ARHGAP31: variants seen among roughly 807,000 people sequenced by gnomAD.
The protein encoded by ARHGAP31 is Rho GTPase activating protein 31.
ARHGAP31 carries 34 observed loss-of-function variants against 113.9 expected under a neutral mutation model. The observed-to-expected ratio is 0.30, with a 90% CI of 0.23 to 0.40. The LOEUF (loss-of-function observed/expected upper bound fraction) is 0.40. ARHGAP31 is among the 10% of genes least tolerant of loss of function. The pLI is 1.00. For missense variants in ARHGAP31, 1,548 were observed against 1,767.1 expected (o/e 0.88, Z 2.22); for synonymous variants, 650 against 684.8 (o/e 0.95, Z 0.79).
intron 1 of ARHGAP31, among the ~76,000 whole-genome samples, chr3:119,358,960 A>G (rs1431968172): frequency 1.3e-5 from 2 of 152,016 alleles, no homozygotes; most frequent in Non-Finnish European, 2.9e-5. Flanking sequence ...TTAGTCGTAC[A>G]CTTTAAAGGG....
intron 1 of ARHGAP31, among the ~76,000 whole-genome samples, chr3:119,315,995 G>A (rs2079727182): frequency 6.6e-6 from 1 of 152,178 alleles, no homozygotes. Flanking sequence ...GCTGTATAAT[G>A]AGGACACTGA....
Position 119,414,214 on chromosome 3 carries a change from A to C in ARHGAP31, c.2285A>C (p.Lys762Thr), listed in dbSNP as rs201028277. The C allele has an allele frequency of 1.2e-4, 201 of 1,614,216 alleles. No homozygotes were observed. In the Middle Eastern group the frequency reaches 1.3e-3, roughly 11 times the overall value. Residue 762 changes from lysine to threonine, a missense_variant, in exon 12 of 12, where the codon AAG (lysine) becomes ACG (threonine). By Grantham distance (78) the Lys-to-Thr change is moderately conservative. Coordinates refer to ENST00000264245, the MANE Select transcript of ARHGAP31 (RefSeq NM_020754.4). The stretch of plus-strand genomic sequence containing the variant: ...CCTCTGGAAATAGTTCCTTTTGAGA[A>C]GGCATCTCCACAAGCAACAGTGGAA... Reference protein sequence around the residue: ...LAPLEIVPFEKASPQATVEVG... With the variant: ...LAPLEIVPFETASPQATVEVG...
intron 3 of ARHGAP31, among the ~76,000 whole-genome samples, chr3:119,372,497 G>A (rs1383320377): frequency 6.6e-6 from 1 of 152,006 alleles, no homozygotes; most frequent in Non-Finnish European, 1.5e-5. Context: ...TGGCCAGCCT[G>A]GTCTTGAACT....
At chr3:119,382,549 T>A (rs1348513028) in intron 5 of ARHGAP31, 150 bp downstream of exon 5, 1 of 743,776 alleles carries the variant, frequency 1.3e-6, no homozygotes, top group Non-Finnish European at 2.2e-6. Context: ...TTAAAGGTGA[T>A]TTAGGTGATA....
At chr3:119,392,995 C>A (rs2080518502) in intron 7 of ARHGAP31, among the ~76,000 whole-genome samples, 1 of 152,100 alleles carries the variant, frequency 6.6e-6, no homozygotes, top group Non-Finnish European at 1.5e-5. Context: ...GTCATCCCAG[C>A]ACTTGGGAGG....
intron 1 of ARHGAP31, among the ~76,000 whole-genome samples, chr3:119,333,600 C>T (rs1202858999): frequency 6.6e-6 from 1 of 152,170 alleles, no homozygotes; most frequent in African/African-American, 2.4e-5. Flanking sequence ...CACTCTGCAG[C>T]CTTTGTAATC....
At position 119,390,981 on chromosome 3, in the gene ARHGAP31, C is replaced by T; in HGVS notation, c.879C>T (p.Asn293=). Residue 293 remains asparagine (N), a splice_region_variant and synonymous_variant, in exon 7 of 12, where the codon AAC becomes AAT. Transcript: ENST00000264245. ...LFHTVLELPD[N]KRKLSSKSKK... ...ACACTGTCCTTGAGTTACCAGACAA[C>T]AAGTAAGTGGCACTCTTTTAAAAAA... 1 of 1,614,046 alleles carries T rather than the reference C, an allele frequency of 6.2e-7. No homozygotes were observed. The highest frequency in any genetic ancestry group is 8.5e-7 in the Non-Finnish European group (1 of 1,179,950).
chr3:119,391,637 C>T (rs1005578810), intron 7 of ARHGAP31, among the ~76,000 whole-genome samples: 5 of 122,676 alleles, frequency 4.1e-5, no homozygotes, highest in Admixed American at 9.8e-5. Flanking sequence ...TAGAAAGAAG[C>T]GGGGATTGAA....
chr3:119,368,494 A>T lies in ARHGAP31; in HGVS notation c.326A>T (p.Tyr109Phe). The T allele has an allele frequency of 6.2e-7, 1 of 1,614,090 alleles. No homozygotes were observed. The highest frequency in any genetic ancestry group is 8.5e-7 in the Non-Finnish European group (1 of 1,180,004). ...GAGCTGCCCAACCCCCTCCTGACTT[A>T]TGAGCTCTATGAGAAATTCACGGTG... ...FRELPNPLLT[Y>F]ELYEKFTEAV... Residue 109 changes from tyrosine (Y) to phenylalanine (F), a missense_variant, in exon 3 of 12, where the codon TAT (tyrosine) becomes TTT (phenylalanine). Transcript: ENST00000264245.
intron 6 of ARHGAP31, among the ~76,000 whole-genome samples, chr3:119,386,134 A>G (rs6770936): frequency 0.11 from 17,335 of 152,224 alleles, 1,080 homozygotes; most frequent in African/African-American, 0.17. Flanking sequence ...TACTGACTTC[A>G]ATAAATTGCC....
At chr3:119,399,357 C>A in intron 9 of ARHGAP31, 96 bp downstream of exon 9, 1 of 1,019,658 alleles carries the variant, frequency 9.8e-7, no homozygotes, top group South Asian at 1.3e-5. Context: ...TCTCTATAGT[C>A]ACAGTCACAC....
chr3:119,345,078 G>A (rs375954203), intron 1 of ARHGAP31, among the ~76,000 whole-genome samples: 5 of 151,494 alleles, frequency 3.3e-5, no homozygotes, highest in East Asian at 1.9e-4. Flanking sequence ...TCTGCCTCCC[G>A]GGTTCACGCC....
chr3:119,374,878 T>C (rs2080333954), intron 3 of ARHGAP31, among the ~76,000 whole-genome samples: 2 of 152,212 alleles, frequency 1.3e-5, no homozygotes, highest in Admixed American at 1.3e-4. Context: ...TATTCATTTA[T>C]AGTGACACAA....
chr3:119,353,210 A>C (rs958530658), intron 1 of ARHGAP31, among the ~76,000 whole-genome samples: 3 of 151,962 alleles, frequency 2.0e-5, no homozygotes, highest in Non-Finnish European at 4.4e-5. Context: ...CTGTCTCAGC[A>C]CTCCCCAACG....
chr3:119,328,932 T>C (rs2079868622), intron 1 of ARHGAP31, among the ~76,000 whole-genome samples: 1 of 152,204 alleles, frequency 6.6e-6, no homozygotes, highest in South Asian at 2.1e-4. Context: ...GGAGAGGAAA[T>C]GAAACCATGT....
chr3:119,294,613 T>G lies in ARHGAP31; in HGVS notation c.-292T>G. ...AAGACACCGCAGGAGCCTGTGAAAG[T>G]CCCTAGGACTCCAAGTGAGGAAGTG... On this transcript the variant is annotated 5_prime_UTR_variant, in exon 1 of 12. Transcript: ENST00000264245. 1 of 541,526 alleles carries G rather than the reference T, an allele frequency of 1.8e-6. No individual in the cohort carries two copies. The highest frequency in any genetic ancestry group is 3.2e-6 in the Non-Finnish European group (1 of 312,220). The allele number at this position is 541,526 out of a possible 1,614,324, so 33.5% of individuals were successfully genotyped here. A position where few individuals can be genotyped will look rare whatever the true frequency, so the allele number is the denominator to read the frequency against.
rs985395440 is a variant in ARHGAP31, at chr3:119,294,713, T to G, written c.-192T>G. ...ACGGCGGCCCCGGAGCGGCGCGGGGTGGATCTCAGGCTCTGCCGGCCCGCG... is the reference window on the plus strand; with the variant it reads ...ACGGCGGCCCCGGAGCGGCGCGGGGGGGATCTCAGGCTCTGCCGGCCCGCG... On this transcript the variant is annotated 5_prime_UTR_variant, in exon 1 of 12. Coordinates refer to ENST00000264245, the MANE Select transcript of ARHGAP31 (RefSeq NM_020754.4). 2 of 622,196 alleles carry G rather than the reference T, an allele frequency of 3.2e-6. No homozygotes were observed. The highest frequency in any genetic ancestry group is 5.7e-6 in the Non-Finnish European group (2 of 350,952). The allele number at this position is 622,196 out of a possible 1,614,324, so 38.5% of individuals were successfully genotyped here.
At chr3:119,366,692 C>A (rs2080254592) in intron 2 of ARHGAP31, among the ~76,000 whole-genome samples, 1 of 152,070 alleles carries the variant, frequency 6.6e-6, no homozygotes, top group African/African-American at 2.4e-5. Flanking sequence ...CAAGAGAAAT[C>A]TTTGGCTAAA....
intron 1 of ARHGAP31, among the ~76,000 whole-genome samples, chr3:119,311,097 A>T (rs1227909562): frequency 6.6e-6 from 1 of 152,182 alleles, no homozygotes; most frequent in African/African-American, 2.4e-5. Context: ...TAATGCCAGT[A>T]GATTCCCCAG....
Sources: allele counts gnomAD v4.1 joint callset (sites outside exome capture counted in the v4.1 genomes callset), GRCh38; gene constraint gnomAD v4.1.1; transcripts MANE v1.5; gene names NCBI Gene and HGNC (gene_info 2026-07-23, HGNC 2026-07-21).